Variants in MME observed in about 807,000 individuals in gnomAD.
MME encodes membrane metalloendopeptidase.
Under a neutral mutation model 113.2 loss-of-function variants are expected in MME, and 98 were observed. The ratio of observed to expected loss-of-function variants is 0.87; its 90% CI spans 0.74 to 1.02. MME has a LOEUF of 1.02. Among genes scored for constraint, MME ranks in the 50% least tolerant of loss-of-function variants. The probability of loss-of-function intolerance (pLI) is 0.00; values close to 1 mark genes in which losing one functional copy is unlikely to be tolerated. For missense variants in MME, 836 were observed against 896.0 expected (o/e 0.93, Z 0.86); for synonymous variants, 292 against 300.6 (o/e 0.97, Z 0.30).
At chr3:155,057,838 A>C (rs994927579) in intron 1 of MME, among the ~76,000 whole-genome samples, 4 of 151,928 alleles carry the variant, frequency 2.6e-5, no homozygotes, top group African/African-American at 7.3e-5. Flanking sequence ...GGAAATCTTC[A>C]CTATGCCTGT....
intron 1 of MME, among the ~76,000 whole-genome samples, chr3:155,036,462 CTGATTTTTG>C (rs1713131879): frequency 6.6e-6 from 1 of 152,126 alleles, no homozygotes; most frequent in African/African-American, 2.4e-5. Flanking sequence ...AACAACTGAT[CTGATTTTTG>C]TCCCTATACC....
intron 8 of MME, among the ~76,000 whole-genome samples, chr3:155,119,138 G>C (rs139592045): frequency 5.5e-4 from 84 of 152,294 alleles, no homozygotes; most frequent in African/African-American, 2.0e-3. Flanking sequence ...AAAATGAAAA[G>C]ATTTATCATG....
intron 3 of MME, among the ~76,000 whole-genome samples, chr3:155,088,455 G>C (rs183255771): frequency 6.6e-6 from 1 of 152,056 alleles, no homozygotes; most frequent in Admixed American, 6.6e-5. Context: ...AGGCTGAGGC[G>C]GGCAGATCAC....
In MME at chr3:155,180,549, G is replaced by T; in HGVS notation, c.*90G>T. ...TAATCGAAAGAAAATGGGCCCTAGG[G>T]GTCACTGTACTGACTTGAGGGTGAT... is the stretch of plus-strand genomic sequence containing the variant. On this transcript the variant is annotated 3_prime_UTR_variant, in exon 23 of 23. Coordinates refer to ENST00000360490, the MANE Select transcript of MME (RefSeq NM_007289.4). 1 of 928,674 alleles carries T rather than the reference G, an allele frequency of 1.1e-6. No homozygotes were observed. Among genetic ancestry groups the T allele is most frequent in the Non-Finnish European group, 1.8e-6 (1 of 558,524 alleles). 57.5% of individuals were successfully genotyped at this position (928,674 alleles called of 1,614,324 possible). A position where few individuals can be genotyped will look rare whatever the true frequency, so the allele number is the denominator to read the frequency against.
At chr3:155,124,576 A>G (rs532545070) in intron 8 of MME, among the ~76,000 whole-genome samples, 156 of 152,110 alleles carry the variant, frequency 1.0e-3, no homozygotes, top group Middle Eastern at 3.4e-3. Flanking sequence ...TTTGATGATG[A>G]TGATGTACAG....
chr3:155,138,170 C>A lies in MME; in HGVS notation c.789C>A (p.Pro263=), dbSNP rs760085322. 1.9e-6 allele frequency: 3 copies of A among 1,613,454 alleles called. No homozygotes were observed. Among genetic ancestry groups the A allele is most frequent in the Non-Finnish European group, 2.5e-6 (3 of 1,179,608 alleles). Residue 263 remains proline (P), a synonymous_variant, in exon 9 of 23, where the codon CCC becomes CCA. Transcript: ENST00000360490. ...ARLIRQEERL[P]IDENQLALEM... ...TGATTCGTCAGGAAGAAAGATTGCC[C>A]ATCGATGAAAACCAGCTTGCTTTGG...
At chr3:155,055,560 G>A (rs916217952) in intron 1 of MME, among the ~76,000 whole-genome samples, 6 of 151,322 alleles carry the variant, frequency 4.0e-5, no homozygotes, top group African/African-American at 7.3e-5. Flanking sequence ...TCATGTCGTT[G>A]CACTCCAGCC....
chr3:155,134,534 C>G (rs1452913650), intron 8 of MME, among the ~76,000 whole-genome samples: 1 of 152,152 alleles, frequency 6.6e-6, no homozygotes, highest in Admixed American at 6.6e-5. Context: ...TTTATCCAGT[C>G]TACCATTGAT....
intron 1 of MME, among the ~76,000 whole-genome samples, chr3:155,082,781 G>A (rs570834691): frequency 2.3e-4 from 35 of 152,252 alleles, no homozygotes; most frequent in Admixed American, 1.5e-3. Context: ...AATTCACTGG[G>A]AAGGTTAATT....
chr3:155,038,207 C>T (rs1030506166), intron 1 of MME, among the ~76,000 whole-genome samples: 3 of 152,166 alleles, frequency 2.0e-5, no homozygotes, highest in African/African-American at 7.2e-5. Flanking sequence ...GCCTCAACTA[C>T]CAGACTCCAA....
At chr3:155,083,157 C>G in intron 1 of MME, among the ~76,000 whole-genome samples, 1 of 152,292 alleles carries the variant, frequency 6.6e-6, no homozygotes, top group Middle Eastern at 3.4e-3. Context: ...TTCTACAGTA[C>G]GCTTTTACTG....
intron 3 of MME, among the ~76,000 whole-genome samples, chr3:155,086,996 T>TG (rs1715799233): frequency 3.0e-5 from 2 of 65,714 alleles, no homozygotes; most frequent in South Asian, 5.5e-4. Context: ...GTTTTTTTTG[T>TG]TTTTTTTTGT....
intron 1 of MME, among the ~76,000 whole-genome samples, chr3:155,042,959 TCACATTTGTAA>T: frequency 7.7e-6 from 1 of 130,286 alleles, no homozygotes; most frequent in Non-Finnish European, 1.6e-5. Flanking sequence ...TATATATATA[TCACATTTGTAA>T]GTATAGAAAA....
chr3:155,138,832 G>T (rs1720842662), intron 9 of MME, among the ~76,000 whole-genome samples: 1 of 152,122 alleles, frequency 6.6e-6, no homozygotes, highest in Non-Finnish European at 1.5e-5. Flanking sequence ...TTTCTTCCCT[G>T]ATGATTCTTT....
intron 8 of MME, among the ~76,000 whole-genome samples, chr3:155,126,228 T>C (rs192601608): frequency 6.6e-6 from 1 of 152,292 alleles, no homozygotes; most frequent in Non-Finnish European, 1.5e-5. Context: ...TTGAAAGTGA[T>C]TGAGGAATTT....
intron 1 of MME, among the ~76,000 whole-genome samples, chr3:155,043,753 A>G (rs1036315505): frequency 3.3e-5 from 5 of 152,076 alleles, no homozygotes; most frequent in Admixed American, 2.0e-4. Context: ...TTATAGTACC[A>G]AATTCTTTTA....
chr3:155,170,908 C>T, intron 20 of MME, among the ~76,000 whole-genome samples: 1 of 152,136 alleles, frequency 6.6e-6, no homozygotes, highest in East Asian at 1.9e-4. Context: ...GGTCATTCTC[C>T]TTTTGCCTGA....
chr3:155,119,415 T>C (rs1442657712), intron 8 of MME, among the ~76,000 whole-genome samples: 1 of 137,004 alleles, frequency 7.3e-6, no homozygotes, highest in Non-Finnish European at 1.6e-5. Flanking sequence ...GTGCTCTTTT[T>C]TTTTTTTTTT....
intron 22 of MME, among the ~76,000 whole-genome samples, chr3:155,174,906 TAA>T (rs1712373087): frequency 6.6e-6 from 1 of 152,050 alleles, no homozygotes; most frequent in Non-Finnish European, 1.5e-5. Flanking sequence ...AACTAAAACA[TAA>T]GTCATAAAAA....
Sources: allele counts gnomAD v4.1 joint callset (sites outside exome capture counted in the v4.1 genomes callset), GRCh38; gene constraint gnomAD v4.1.1; transcripts MANE v1.5; gene names NCBI Gene and HGNC (gene_info 2026-07-23, HGNC 2026-07-21).